DLG2: variants seen among roughly 807,000 people sequenced by gnomAD.
DLG2 encodes disks large homolog 2.
In DLG2, 45 loss-of-function variants were observed where a neutral mutation model predicts 132.5. The ratio of observed to expected loss-of-function variants is 0.34; its 90% confidence interval spans 0.27 to 0.44. DLG2 has a LOEUF of 0.44. Ranked by LOEUF, DLG2 falls within the 20% of genes least tolerant of loss-of-function variation. The pLI, the probability that DLG2 is intolerant of heterozygous loss-of-function variation, is 1.00. For missense variants in DLG2, 1,045 were observed against 1,196.9 expected, an observed-to-expected ratio of 0.87 and a Z score of 1.87; for synonymous variants, 424 against 419.6, an observed-to-expected ratio of 1.01 and a Z score of -0.13.
chr11:85,216,781 C>G (rs925202965), intron 4 of DLG2, among the ~76,000 whole-genome samples: 3 of 152,086 alleles, frequency 2.0e-5, no homozygotes, highest in Non-Finnish European at 2.9e-5. Flanking sequence ...ACGGCAACCT[C>G]CACCTCCCGG....
chr11:85,286,909 A>G (rs1208091407), intron 3 of DLG2, among the ~76,000 whole-genome samples: 2 of 152,104 alleles, frequency 1.3e-5, no homozygotes, highest in African/African-American at 2.4e-5. Context: ...CAGAGAAACA[A>G]CCCTGCTACA....
At chr11:84,566,002 A>G (rs2154526959) in intron 6 of DLG2, among the ~76,000 whole-genome samples, 1 of 143,508 alleles carries the variant, frequency 7.0e-6, no homozygotes, top group African/African-American at 2.6e-5. Context: ...TCTGTTGCCC[A>G]GGCTGTAGTG....
chr11:84,876,530 T>C (rs573553150), intron 6 of DLG2, among the ~76,000 whole-genome samples: 3 of 152,296 alleles, frequency 2.0e-5, no homozygotes, highest in African/African-American at 7.2e-5. Flanking sequence ...AGTGGTGATA[T>C]CCCCTTTATC....
chr11:83,811,279 A>G (rs2047191165), intron 17 of DLG2, among the ~76,000 whole-genome samples: 1 of 152,142 alleles, frequency 6.6e-6, no homozygotes. Context: ...TCAAATCAGT[A>G]AACCAATAAA....
chr11:85,572,044 C>A (rs1162940199), intron 3 of DLG2, among the ~76,000 whole-genome samples: 1 of 152,124 alleles, frequency 6.6e-6, no homozygotes, highest in Non-Finnish European at 1.5e-5. Flanking sequence ...ACTGTCCTTA[C>A]AGAGATTCAG....
intron 11 of DLG2, among the ~76,000 whole-genome samples, chr11:84,033,322 T>C (rs544019730): frequency 1.8e-4 from 28 of 152,274 alleles, no homozygotes; most frequent in African/African-American, 6.0e-4. Context: ...TTCCAACTCT[T>C]ACAGATGACT....
In DLG2 at chr11:83,532,790, C is replaced by T. The variant is rs756333295; in HGVS notation, c.2118-7G>A. On this transcript the variant is annotated splice_region_variant and splice_polypyrimidine_tract_variant and intron_variant, in intron 20 of 27. Transcript: ENST00000376104. ...ACGTTCCTTTCTTTCCACCCTAAAG[C>T]AAATTGAGAATAAAGAGTCTCTCAC... 6.2e-7 allele frequency: 1 copy of T among 1,610,770 alleles called. No individual in the cohort carries two copies. Among genetic ancestry groups the T allele is most frequent in the East Asian group, 2.2e-5 (1 of 44,738 alleles).
At chr11:84,937,370 A>C (rs2048870637) in intron 6 of DLG2, among the ~76,000 whole-genome samples, 1 of 137,402 alleles carries the variant, frequency 7.3e-6, no homozygotes, top group African/African-American at 2.9e-5. Context: ...ACAAACTGCT[A>C]GGTCATACCA....
chr11:84,424,342 G>A (rs1361878211), intron 7 of DLG2, among the ~76,000 whole-genome samples: 1 of 152,040 alleles, frequency 6.6e-6, no homozygotes, highest in East Asian at 1.9e-4. Context: ...GTCAAAATCA[G>A]AGGCAGAGAA....
chr11:83,761,909 T>G (rs2093927815), intron 18 of DLG2, among the ~76,000 whole-genome samples: 1 of 152,184 alleles, frequency 6.6e-6, no homozygotes, highest in African/African-American at 2.4e-5. Flanking sequence ...AGTTCTTACT[T>G]GGCTTGAAAT....
At chr11:84,146,244 C>T (rs1416393414) in intron 9 of DLG2, among the ~76,000 whole-genome samples, 1 of 101,474 alleles carries the variant, frequency 9.9e-6, no homozygotes, top group Non-Finnish European at 2.3e-5. Flanking sequence ...TACTGGAGAG[C>T]TTTGCTTTAT....
intron 3 of DLG2, 53 bp downstream of exon 3, chr11:85,598,604 T>C: frequency 7.3e-7 from 1 of 1,366,204 alleles, no homozygotes; most frequent in Non-Finnish European, 9.7e-7. Flanking sequence ...TTATTCAAAC[T>C]ATCAAGCCCA....
rs925032646 is a variant in DLG2 at position 85,129,504 on chromosome 11, G to T, written c.283-17769C>A. On this transcript the variant is annotated intron_variant, in intron 5 of 27. Transcript: ENST00000376104. ...ATCACCATTCTAACTGGCATGAGATGGTATCTCATTGTGGTTTTGATTTGC... is the reference window on the plus strand; with the variant it reads ...ATCACCATTCTAACTGGCATGAGATTGTATCTCATTGTGGTTTTGATTTGC... 5.9e-5 allele frequency among the ~76,000 whole-genome samples: 9 copies of T among 152,190 alleles called. 1 individual carries two copies. The South Asian group carries it at 1.2e-3, about 21-fold the overall frequency.
intron 6 of DLG2, among the ~76,000 whole-genome samples, chr11:84,676,676 C>T (rs553941133): frequency 6.6e-6 from 1 of 152,132 alleles, no homozygotes; most frequent in South Asian, 2.1e-4. Flanking sequence ...TCTGTACTAC[C>T]TGTGGCAAAT....
At chr11:84,929,173 C>G (rs1249384139) in intron 6 of DLG2, among the ~76,000 whole-genome samples, 1 of 150,756 alleles carries the variant, frequency 6.6e-6, no homozygotes, top group Admixed American at 6.6e-5. Context: ...AGTGATTAAG[C>G]AAATTATTCA....
At chr11:85,366,938 T>G (rs1041573425) in intron 3 of DLG2, among the ~76,000 whole-genome samples, 1 of 152,170 alleles carries the variant, frequency 6.6e-6, no homozygotes, top group African/African-American at 2.4e-5. Context: ...ATTTCAATTA[T>G]GTATCACTGT....
intron 7 of DLG2, among the ~76,000 whole-genome samples, chr11:84,355,475 GAC>G (rs2098605816): frequency 1.3e-5 from 2 of 151,988 alleles, no homozygotes; most frequent in Admixed American, 1.3e-4. Context: ...GCCAAGTGAA[GAC>G]ACAGCAAGAA....
At chr11:83,483,209 G>A (rs766234889) in intron 22 of DLG2, 1 of 1,562,034 alleles carries the variant, frequency 6.4e-7, no homozygotes, top group Non-Finnish European at 8.8e-7. Context: ...CAAAAGGAAA[G>A]GAAAAGAAAA....
At chr11:84,543,461 T>G (rs984802431) in intron 6 of DLG2, among the ~76,000 whole-genome samples, 14 of 152,184 alleles carry the variant, frequency 9.2e-5, no homozygotes, top group South Asian at 2.1e-4. Flanking sequence ...TTGGCACATT[T>G]TTATTTTACA....
Sources: gnomAD v4.1 joint callset for allele counts (sites outside exome capture counted in the v4.1 genomes callset) on GRCh38, gnomAD v4.1.1 for gene constraint, MANE v1.5 for transcripts, NCBI Gene and HGNC (gene_info 2026-07-23, HGNC 2026-07-21) for gene names.